WNK2: variants seen among roughly 807,000 people sequenced by gnomAD.
WNK2 encodes serine/threonine-protein kinase WNK2.
Under a neutral mutation model 192.1 loss-of-function variants are expected in WNK2, and 67 were observed. The ratio of observed to expected loss-of-function variants is 0.35; its 90% confidence interval spans 0.29 to 0.43. The LOEUF is 0.43. Ranked by LOEUF, WNK2 falls within the 20% of genes least tolerant of loss-of-function variation. The pLI is 1.00. For synonymous variants in WNK2, 1,439 were observed against 1,393.9 expected (o/e 1.03, Z -0.72); for missense variants, 2,698 against 3,089.7 (o/e 0.87, Z 3.01).
rs1395695288 is a variant in WNK2 at position 93,185,276 on chromosome 9, C to G, written c.347C>G (p.Pro116Arg). 2.2e-6 allele frequency: 3 copies of G among 1,351,926 alleles called. No homozygotes were observed. Among genetic ancestry groups the G allele is most frequent in the African/African-American group, 3.1e-5 (2 of 64,630 alleles). 83.7% of individuals were successfully genotyped at this position (1,351,926 alleles called of 1,614,324 possible). ...CCCGGAGCCCCCGCGGACGCCGGCC[C>G]CGAGCCCGTGGGCACGCAGGAGCCC... ...GAPGAPADAG[P>R]EPVGTQEPGP... The change falls in exon 2 of 30, where the codon CCC (proline) becomes CGC (arginine). Residue 116 changes from proline (P) to arginine (R), a missense_variant. Pro to Arg is a moderately radical substitution (Grantham distance 103). Coordinates refer to ENST00000427277, the MANE Select transcript of WNK2 (RefSeq NM_006648.4).
chr9:93,290,548 G>T (rs1849183952), intron 21 of WNK2, among the ~76,000 whole-genome samples: 1 of 152,238 alleles, frequency 6.6e-6, no homozygotes, highest in Non-Finnish European at 1.5e-5. Flanking sequence ...GCCCCAGTTG[G>T]TGGGTGCTGG....
At chr9:93,306,001 C>A (rs748649185) in intron 26 of WNK2, among the ~76,000 whole-genome samples, 4 of 152,132 alleles carry the variant, frequency 2.6e-5, no homozygotes, top group Non-Finnish European at 5.9e-5. Flanking sequence ...CTTGTCCCCA[C>A]CAGGCTGGGC....
chr9:93,318,598 C>T (rs760787782), intron 29 of WNK2: 31 of 1,606,648 alleles, frequency 1.9e-5, no homozygotes, highest in Middle Eastern at 2.0e-4. Flanking sequence ...CCTGGCTGCC[C>T]GCCCACCCTG....
At chr9:93,248,056 G>A (rs1364949396) in intron 8 of WNK2, among the ~76,000 whole-genome samples, 1 of 152,238 alleles carries the variant, frequency 6.6e-6, no homozygotes, top group African/African-American at 2.4e-5. Context: ...GGGAGTCCTG[G>A]CTGGGCACCT....
chr9:93,187,219 G>A (rs1418718571), intron 2 of WNK2, among the ~76,000 whole-genome samples: 1 of 152,098 alleles, frequency 6.6e-6, no homozygotes, highest in Non-Finnish European at 1.5e-5. Flanking sequence ...GTGACTCTTG[G>A]AGCTTGTTAG....
rs772868712 is a variant in WNK2, at chr9:93,264,012, C to G, written c.3675C>G (p.Pro1225=). Residue 1225 remains proline (P), a synonymous_variant, in exon 16 of 30, where the codon CCC becomes CCG. Coordinates refer to ENST00000427277, the MANE Select transcript of WNK2 (RefSeq NM_006648.4). ...AGTTCGACTTGGACGGGGACGCACC[C>G]GATGAAATTGCCACGTATATGGTGA... ...TFKFDLDGDA[P]DEIATYMVEH... 1.2e-6 allele frequency: 2 copies of G among 1,613,016 alleles called. No individual in the cohort carries two copies. The highest frequency in any genetic ancestry group is 1.1e-5 in the South Asian group (1 of 90,890).
At chr9:93,313,536 T>C (rs1854041851) in intron 28 of WNK2, among the ~76,000 whole-genome samples, 1 of 152,196 alleles carries the variant, frequency 6.6e-6, no homozygotes, top group South Asian at 2.1e-4. Context: ...ACTTTTTAAA[T>C]ATTCTGTGTA....
chr9:93,222,962 G>A lies in WNK2; in HGVS notation c.682-6734G>A, dbSNP rs142671966. 5.3e-3 allele frequency among the ~76,000 whole-genome samples: 809 copies of A among 152,322 alleles called. 6 individuals carry two copies. Among genetic ancestry groups the A allele is most frequent in the African/African-American group, 0.018 (760 of 41,572 alleles). ...CTTCCAAAGTGCTGGGATTACCGGTGTGAGCCACCGTGCCCAGCCGTGATG... is the reference window on the plus strand; with the variant it reads ...CTTCCAAAGTGCTGGGATTACCGGTATGAGCCACCGTGCCCAGCCGTGATG... On this transcript the variant is annotated intron_variant, in intron 2 of 29. Transcript: ENST00000427277.
intron 29 of WNK2, chr9:93,318,037 G>A (rs1415985987): frequency 6.2e-7 from 1 of 1,612,484 alleles, no homozygotes; most frequent in Non-Finnish European, 8.5e-7. Context: ...GGTTCCTGTG[G>A]TCCACGCGCC....
chr9:93,265,486 G>C (rs1251127269), intron 16 of WNK2, among the ~76,000 whole-genome samples: 1 of 152,210 alleles, frequency 6.6e-6, no homozygotes, highest in Admixed American at 6.5e-5. Context: ...TCAGAGGCGT[G>C]AGCTGCGCTT....
chr9:93,202,240 C>T (rs561347385), intron 2 of WNK2, among the ~76,000 whole-genome samples: 10 of 152,194 alleles, frequency 6.6e-5, no homozygotes, highest in Non-Finnish European at 1.3e-4. Context: ...CCATGCCCCA[C>T]TCCATGGCTG....
In WNK2 at chr9:93,239,524, GTT is replaced by G. The variant is rs375625672; in HGVS notation, c.1323-222_1323-221del. Among the ~76,000 whole-genome samples the G allele has an allele frequency of 6.8e-6, 1 of 146,712 alleles. No homozygotes were observed. Among genetic ancestry groups the G allele is most frequent in the East Asian group, 2.0e-4 (1 of 5,054 alleles). On this transcript the variant is annotated intron_variant, in intron 6 of 29. Coordinates refer to ENST00000427277, the MANE Select transcript of WNK2 (RefSeq NM_006648.4). This position sits in a 1 kb window ranked among gnomAD's most constrained non-coding sequence, Gnocchi z 4.2. ...GTATCATTGAATCTTTTATGAGCAT[GTT>G]TTTTTTTTTTATAATGAGGGGGAAT... is the stretch of plus-strand genomic sequence containing the variant.
chr9:93,259,550 G>C lies in WNK2; in HGVS notation c.3002G>C (p.Arg1001Pro), dbSNP rs531255333. 3.1e-6 allele frequency: 5 copies of C among 1,592,380 alleles called. No homozygotes were observed. The Admixed American group carries it at 8.5e-5, about 27-fold the overall frequency. ...CCCCCGCAGCCGGCACTGCCTGTGC[G>C]CCCTGAGCCCCTCCAGCCCCACCTT... is the stretch of plus-strand genomic sequence containing the variant. ...VLPPQPALPV[R>P]PEPLQPHLPE... The change falls in exon 12 of 30, where the codon CGC (arginine) becomes CCC (proline). Residue 1001 changes from arginine to proline, a missense_variant. Coordinates refer to ENST00000427277, the MANE Select transcript of WNK2 (RefSeq NM_006648.4). This position sits in a 1 kb window ranked among gnomAD's most constrained non-coding sequence, Gnocchi z 4.8.
chr9:93,204,598 G>C (rs565084113), intron 2 of WNK2, among the ~76,000 whole-genome samples: 7 of 152,384 alleles, frequency 4.6e-5, no homozygotes, highest in Non-Finnish European at 5.9e-5. Context: ...CTGAGGGGCA[G>C]GGGTGGGGAA....
At chr9:93,189,836 G>A (rs1223706521) in intron 2 of WNK2, among the ~76,000 whole-genome samples, 1 of 152,252 alleles carries the variant, frequency 6.6e-6, no homozygotes, top group East Asian at 1.9e-4. Context: ...TGCCCCGATG[G>A]CCTCTCGTTA....
intron 2 of WNK2, among the ~76,000 whole-genome samples, chr9:93,208,649 G>C (rs368793832): frequency 3.0e-4 from 7 of 23,724 alleles, no homozygotes; most frequent in South Asian, 1.5e-3. Context: ...CACATGTTCT[G>C]TGTGTGCATG....
chr9:93,235,037 C>T, intron 5 of WNK2, 72 bp downstream of exon 5: 1 of 1,563,588 alleles, frequency 6.4e-7, no homozygotes, highest in Non-Finnish European at 8.7e-7. Context: ...GGCTGGGCTC[C>T]ATGTGGCTCT....
chr9:93,289,513 C>A lies in WNK2; in HGVS notation c.4759C>A (p.Pro1587Thr). The A allele has an allele frequency of 1.2e-6, 2 of 1,604,362 alleles. No homozygotes were observed. Residue 1587 changes from proline to threonine, a missense_variant, in exon 20 of 30, where the codon CCC (proline) becomes ACC (threonine). Transcript: ENST00000427277. The part of the protein sequence containing the change: ...EVGDRDFTLE[P>T]LRGDQPRSEV... ...GGGCGACAGAGACTTCACCCTGGAG[C>A]CCCTGAGAGGGGACCAGCCCCGCTC...
intron 2 of WNK2, among the ~76,000 whole-genome samples, chr9:93,189,947 G>T (rs1440722191): frequency 3.3e-5 from 5 of 152,228 alleles, no homozygotes; most frequent in Non-Finnish European, 7.3e-5. Context: ...CAGAGGAGGT[G>T]CATGGCACTC....
Sources: gnomAD v4.1 joint callset for allele counts (sites outside exome capture counted in the v4.1 genomes callset) on GRCh38, gnomAD v4.1.1 for gene constraint, Gnocchi (gnomAD v3.1) non-coding constraint, MANE v1.5 for transcripts, NCBI Gene and HGNC (gene_info 2026-07-23, HGNC 2026-07-21) for gene names.